The following AKAP9 variants were observed in gnomAD, a reference collection of about 807,000 sequenced individuals.
AKAP9 encodes the protein A-kinase anchor protein 9.
AKAP9 carries 311 observed loss-of-function variants against 488.5 expected under a neutral mutation model. That is an observed-to-expected ratio of 0.64 (90% confidence interval 0.58 to 0.70). AKAP9 has a LOEUF of 0.70. Among genes scored for constraint, AKAP9 ranks in the 30% least tolerant of loss-of-function variants. The pLI is 0.00. For missense variants in AKAP9, 4,215 were observed against 4,374.5 expected, an observed-to-expected ratio of 0.96 and a Z score of 1.03; for synonymous variants, 1,462 against 1,483.5, an observed-to-expected ratio of 0.99 and a Z score of 0.33.
intron 2 of AKAP9, among the ~76,000 whole-genome samples, chr7:91,976,581 T>G (rs1050174753): frequency 1.3e-5 from 2 of 152,224 alleles, no homozygotes; most frequent in Non-Finnish European, 1.5e-5. Flanking sequence ...ATGACTTTAA[T>G]ACAAAAACCA....
intron 6 of AKAP9, 110 bp downstream of exon 6, chr7:91,994,886 C>G (rs1173468303): frequency 1.5e-5 from 15 of 988,002 alleles, no homozygotes; most frequent in Non-Finnish European, 2.3e-5. Context: ...CGTATTATAT[C>G]ATGTATGAAA....
At position 92,042,084 on chromosome 7, in the gene AKAP9, A is replaced by T. The variant is rs778672078; in HGVS notation, c.4956A>T (p.Arg1652Ser). Residue 1652 changes from arginine to serine, a missense_variant, in exon 19 of 50, where the codon AGA (arginine) becomes AGT (serine). This residue lies in a region of AKAP9 where 2,361 missense variants were observed against 2,430.0 expected (regional missense o/e 0.97). Transcript: ENST00000356239. Reference sequence around the variant, plus strand: ...ATAATGAAAACCTGGTTTCAGAGAGAGAGAGGGTGCTTTTAGAGGAGCTGG... The same window carrying T: ...ATAATGAAAACCTGGTTTCAGAGAGTGAGAGGGTGCTTTTAGAGGAGCTGG... ...SIDNENLVSERERVLLEELEA... is the reference protein window; with the variant it reads ...SIDNENLVSESERVLLEELEA... 4 of 1,613,758 alleles carry T rather than the reference A, an allele frequency of 2.5e-6. No individual in the cohort carries two copies. In the African/African-American group the frequency reaches 5.3e-5, roughly 22 times the overall value.
intron 37 of AKAP9, 47 bp downstream of exon 37, chr7:92,086,463 A>G: frequency 6.9e-7 from 1 of 1,454,616 alleles, no homozygotes. Context: ...AAATAAGGAA[A>G]TGACTATTGA....
At chr7:91,988,211 A>T (rs922487200) in intron 3 of AKAP9, among the ~76,000 whole-genome samples, 3 of 151,252 alleles carry the variant, frequency 2.0e-5, no homozygotes, top group African/African-American at 7.3e-5. Flanking sequence ...ATACTGTAAG[A>T]ATAAGTATCT....
At chr7:91,966,977 T>A (rs968502877) in intron 1 of AKAP9, among the ~76,000 whole-genome samples, 2 of 152,198 alleles carry the variant, frequency 1.3e-5, no homozygotes, top group Admixed American at 1.3e-4. Context: ...ATTTTTAATG[T>A]CCTGTTCCAT....
chr7:92,030,514 C>T (rs540852259), intron 15 of AKAP9, among the ~76,000 whole-genome samples: 3 of 152,112 alleles, frequency 2.0e-5, no homozygotes, highest in South Asian at 2.1e-4. Flanking sequence ...TGGTGGCACT[C>T]GCCTGTAGTC....
In AKAP9 at chr7:92,001,226, C is replaced by G; in HGVS notation, c.1309C>G (p.Leu437Val). Residue 437 changes from leucine (L) to valine (V), a missense_variant, in exon 8 of 50, where the codon CTG becomes GTG. Around this residue, in one of 5 missense-constraint regions of AKAP9, gnomAD observed 2,361 missense variants for 2,430.0 expected, o/e 0.97. Coordinates refer to ENST00000356239, the MANE Select transcript of AKAP9 (RefSeq NM_005751.5). ...AAAGTTAGAACAACTCCGGGCAGAG[C>G]TGGATGAGATGTATGGGCAGCAGAT... The part of the protein sequence containing the change: ...QRKLEQLRAE[L>V]DEMYGQQIVQ... 2.5e-6 allele frequency: 4 copies of G among 1,613,908 alleles called. No individual in the cohort carries two copies. The highest frequency in any genetic ancestry group is 2.2e-5 in the East Asian group (1 of 44,870).
chr7:92,103,707 A>G (rs927113731), intron 46 of AKAP9, among the ~76,000 whole-genome samples: 4 of 152,046 alleles, frequency 2.6e-5, no homozygotes, highest in Non-Finnish European at 4.4e-5. Flanking sequence ...AAAAAAAAAA[A>G]AAATCTGAAT....
At position 92,086,209 on chromosome 7, in the gene AKAP9, G is replaced by A. The variant is rs768077367; in HGVS notation, c.9025-19G>A. On this transcript the variant is annotated intron_variant, in intron 36 of 49. Transcript: ENST00000356239. ...CATGCTTATTTGAAAACTAACTATC[G>A]TTATATGTACTTTGCTAGGTTTATG... The A allele has an allele frequency of 1.6e-5, 25 of 1,598,856 alleles. No homozygotes were observed. Among genetic ancestry groups the A allele is most frequent in the African/African-American group, 6.7e-5 (5 of 74,576 alleles).
chr7:92,064,534 A>G (rs1306491382), intron 24 of AKAP9, among the ~76,000 whole-genome samples: 1 of 152,152 alleles, frequency 6.6e-6, no homozygotes, highest in East Asian at 1.9e-4. Flanking sequence ...TAAGGAAACT[A>G]AAGGACATCA....
chr7:92,099,549 A>G, intron 43 of AKAP9, 138 bp from the exon 44 acceptor site: 1 of 852,858 alleles, frequency 1.2e-6, no homozygotes, highest in South Asian at 1.4e-5. Context: ...TCTGCCTGGT[A>G]AATATCTACC....
At chr7:91,973,098 A>G (rs566712805) in intron 1 of AKAP9, among the ~76,000 whole-genome samples, 162 of 152,330 alleles carry the variant, frequency 1.1e-3, no homozygotes, top group Non-Finnish European at 3.2e-4. Flanking sequence ...GAGCTTGGCC[A>G]GCACACTGGC....
At chr7:92,051,215 T>C (rs28506180) in intron 21 of AKAP9, among the ~76,000 whole-genome samples, 2 of 152,148 alleles carry the variant, frequency 1.3e-5, no homozygotes, top group African/African-American at 4.8e-5. Flanking sequence ...CCCTTTGCCC[T>C]AAAAAGCCTA....
intron 22 of AKAP9, among the ~76,000 whole-genome samples, chr7:92,060,131 C>G (rs1303388744): frequency 6.6e-6 from 1 of 151,900 alleles, no homozygotes; most frequent in East Asian, 1.9e-4. Flanking sequence ...TGACAAATAC[C>G]TCTCAGATGT....
intron 19 of AKAP9, 22 bp from the exon 20 acceptor site, chr7:92,042,646 T>C: frequency 6.5e-7 from 1 of 1,546,838 alleles, no homozygotes. Flanking sequence ...TCTCCTCTCT[T>C]CCTTTACACA....
At chr7:92,089,567 G>A (rs1256386761) in intron 38 of AKAP9, 38 bp downstream of exon 38, 1 of 1,600,312 alleles carries the variant, frequency 6.2e-7, no homozygotes, top group Non-Finnish European at 8.5e-7. Flanking sequence ...TACACAAACA[G>A]GTGAAAAGAT....
intron 22 of AKAP9, among the ~76,000 whole-genome samples, chr7:92,053,482 A>AT (rs1230860951): frequency 6.6e-6 from 1 of 152,144 alleles, no homozygotes; most frequent in African/African-American, 2.4e-5. Context: ...CTTCTCCAAA[A>AT]TTTGTTAATG....
chr7:92,100,824 AG>A, intron 44 of AKAP9, 31 bp from the exon 45 acceptor site: 1 of 1,612,752 alleles, frequency 6.2e-7, no homozygotes, highest in Non-Finnish European at 8.5e-7. Flanking sequence ...TTTTCTTCAG[AG>A]ACTTGTGTAA....
intron 1 of AKAP9, among the ~76,000 whole-genome samples, chr7:91,942,778 T>G (rs1026741172): frequency 6.6e-6 from 1 of 152,220 alleles, no homozygotes; most frequent in Non-Finnish European, 1.5e-5. Flanking sequence ...TTTCTTTATC[T>G]TTCAGAATTC....
Sources: gnomAD v4.1 joint callset for allele counts (sites outside exome capture counted in the v4.1 genomes callset) on GRCh38, gnomAD v4.1.1 for gene constraint, gnomAD v4.1.1 regional missense constraint, MANE v1.5 for transcripts, NCBI Gene and HGNC (gene_info 2026-07-23, HGNC 2026-07-21) for gene names.